Variants in KLF8 observed in about 807,000 individuals in gnomAD.
The protein encoded by KLF8 is KLF transcription factor 8.
Under a neutral mutation model 18.2 loss-of-function variants are expected in KLF8, and 10 were observed. The ratio of observed to expected loss-of-function variants is 0.55; its 90% CI spans 0.34 to 0.93. The LOEUF (loss-of-function observed/expected upper bound fraction) is 0.93, where lower values mean the gene tolerates loss of function less well. Ranked by LOEUF, KLF8 falls within the 40% of genes least tolerant of loss-of-function variation. The probability of loss-of-function intolerance (pLI) is 0.02; values close to 1 mark genes in which losing one functional copy is unlikely to be tolerated. For synonymous variants in KLF8, 109 were observed against 97.3 expected, an observed-to-expected ratio of 1.12 and a Z score of -0.71; for missense variants, 264 against 277.9, an observed-to-expected ratio of 0.95 and a Z score of 0.36.
the KLF8 span, among the ~76,000 whole-genome samples, chrX:56,153,503 G>A: frequency 4.5e-5 from 5 of 111,613 alleles, no homozygotes; most frequent in Non-Finnish European, 9.4e-5. Flanking sequence ...AGAAAATATG[G>A]CTTTAAAAAG....
At chrX:56,206,064 A>G in the KLF8 span, among the ~76,000 whole-genome samples, 1 of 111,096 alleles carries the variant, frequency 9.0e-6, no homozygotes, top group African/African-American at 3.3e-5. Flanking sequence ...CACTTATAAA[A>G]CCATCAGATC....
At chrX:55,986,251 C>T in the KLF8 span, among the ~76,000 whole-genome samples, 11 of 111,558 alleles carry the variant, frequency 9.9e-5, no homozygotes, top group East Asian at 2.8e-4. Flanking sequence ...TTTGCCTATT[C>T]GGTGTGATAT....
the KLF8 span, among the ~76,000 whole-genome samples, chrX:56,048,798 T>G: frequency 8.9e-6 from 1 of 112,073 alleles, no homozygotes; most frequent in African/African-American, 3.2e-5. Context: ...TTTCCAATTC[T>G]GTGAAGAAAG....
the KLF8 span, among the ~76,000 whole-genome samples, chrX:56,077,428 G>A: frequency 2.0e-4 from 22 of 111,531 alleles, no homozygotes; most frequent in Non-Finnish European, 3.4e-4. Flanking sequence ...TTTTTCTCAC[G>A]TTTGTCAAAG....
chrX:56,248,927 C>T (rs2066664499), intron 1 of KLF8, among the ~76,000 whole-genome samples: 1 of 111,629 alleles, frequency 9.0e-6, no homozygotes, highest in Non-Finnish European at 1.9e-5. Flanking sequence ...CCTTTTCTGT[C>T]ACTGTCATCA....
At chrX:56,254,693 G>A (rs2066765592) in intron 2 of KLF8, among the ~76,000 whole-genome samples, 1 of 111,042 alleles carries the variant, frequency 9.0e-6, no homozygotes, top group African/African-American at 3.3e-5. Context: ...CTGGATTCCA[G>A]CTGTCCCCAT....
the KLF8 span, among the ~76,000 whole-genome samples, chrX:56,089,661 G>A: frequency 8.9e-6 from 1 of 112,338 alleles, no homozygotes; most frequent in Non-Finnish European, 1.9e-5. Flanking sequence ...GAGAACCACA[G>A]TTTACTAGAG....
chrX:55,926,998 AG>A, the KLF8 span, among the ~76,000 whole-genome samples: 1 of 111,852 alleles, frequency 8.9e-6, no homozygotes, highest in South Asian at 3.7e-4. Flanking sequence ...TGAAGTACAA[AG>A]CAGACAGTAG....
chrX:56,202,773 C>A, the KLF8 span, among the ~76,000 whole-genome samples: 47 of 111,279 alleles, frequency 4.2e-4, no homozygotes, highest in African/African-American at 1.5e-3. Flanking sequence ...CTTTTTGTGG[C>A]TGAATAATAT....
the KLF8 span, among the ~76,000 whole-genome samples, chrX:56,165,448 C>G: frequency 1.8e-5 from 2 of 112,473 alleles, no homozygotes; most frequent in Non-Finnish European, 3.8e-5. Flanking sequence ...ATTGGTCTAT[C>G]TTGCATTTTA....
At chrX:55,982,670 C>G in the KLF8 span, among the ~76,000 whole-genome samples, 52 of 111,853 alleles carry the variant, frequency 4.6e-4, no homozygotes, top group Middle Eastern at 9.2e-3. Context: ...TGCCTAACCT[C>G]CCTTTCAACC....
the KLF8 span, among the ~76,000 whole-genome samples, chrX:56,050,176 T>C: frequency 9.0e-6 from 1 of 111,147 alleles, no homozygotes; most frequent in Non-Finnish European, 1.9e-5. Flanking sequence ...TTATTAGTCT[T>C]GCTAGCAGTC....
chrX:55,993,872 C>T, the KLF8 span, among the ~76,000 whole-genome samples: 1 of 107,435 alleles, frequency 9.3e-6, no homozygotes, highest in Admixed American at 1.0e-4. Context: ...CAGAAATTTA[C>T]CCATTTCATC....
At chrX:56,033,621 T>C in the KLF8 span, among the ~76,000 whole-genome samples, 1 of 112,210 alleles carries the variant, frequency 8.9e-6, no homozygotes. Context: ...TGTAATATTA[T>C]AATTCACATT....
chrX:56,023,455 T>G, the KLF8 span, among the ~76,000 whole-genome samples: 1 of 111,817 alleles, frequency 8.9e-6, no homozygotes, highest in South Asian at 3.7e-4. Flanking sequence ...AAAGCTGTAT[T>G]TTGAATATCA....
At chrX:55,933,595 A>G in the KLF8 span, among the ~76,000 whole-genome samples, 1 of 112,353 alleles carries the variant, frequency 8.9e-6, no homozygotes, top group African/African-American at 3.2e-5. Flanking sequence ...TCTTTCAGAA[A>G]TTTTGGAATT....
the KLF8 span, among the ~76,000 whole-genome samples, chrX:56,105,176 A>G: frequency 0.13 from 14,065 of 111,417 alleles, 1,621 homozygotes; most frequent in African/African-American, 0.37. Flanking sequence ...GGTGCTGAGA[A>G]GAATGTATAT....
At chrX:55,945,001 T>A in the KLF8 span, among the ~76,000 whole-genome samples, 5 of 111,338 alleles carry the variant, frequency 4.5e-5, no homozygotes, top group Admixed American at 1.9e-4. Flanking sequence ...CACTGCTTTG[T>A]ATGTGTCCCA....
At chrX:56,199,012 G>T in the KLF8 span, among the ~76,000 whole-genome samples, 2 of 111,712 alleles carry the variant, frequency 1.8e-5, no homozygotes, top group Non-Finnish European at 3.8e-5. Flanking sequence ...TTTAATAAAT[G>T]GTGCTGGGAA....
Sources: gnomAD v4.1 joint callset for allele counts (sites outside exome capture counted in the v4.1 genomes callset) on GRCh38, gnomAD v4.1.1 for gene constraint, MANE v1.5 for transcripts, NCBI Gene and HGNC (gene_info 2026-07-23, HGNC 2026-07-21) for gene names.